Variants in ENPP5 observed in about 807,000 individuals in gnomAD.
ENPP5 encodes the protein E-NPP 5.
A neutral mutation model predicts 33.7 loss-of-function variants in ENPP5; 27 were observed. The observed-to-expected ratio is 0.80, with a 90% confidence interval of 0.59 to 1.11. The LOEUF is 1.11. Among genes scored for constraint, ENPP5 ranks in the 50% least tolerant of loss-of-function variants. ENPP5 has a pLI of 0.00. For missense variants in ENPP5, 552 were observed against 579.2 expected (o/e 0.95, Z 0.48); for synonymous variants, 199 against 200.5 (o/e 0.99, Z 0.06).
intron 4 of ENPP5, among the ~76,000 whole-genome samples, chr6:46,162,968 ATTATC>A (rs1458062350): frequency 6.6e-6 from 1 of 152,186 alleles, no homozygotes; most frequent in Non-Finnish European, 1.5e-5. Flanking sequence ...GGCAAAGATA[ATTATC>A]TTATATCACA....
chr6:46,163,340 A>G (rs1764443332), intron 4 of ENPP5, among the ~76,000 whole-genome samples: 1 of 147,472 alleles, frequency 6.8e-6, no homozygotes, highest in South Asian at 2.3e-4. Context: ...AGCATTAGGT[A>G]TATCTCCCAA....
chr6:46,161,587 T>G lies in ENPP5; in HGVS notation c.1173A>C (p.Ser391=), dbSNP rs1281649794. The part of the protein sequence containing the change: ...LNITAMPHNG[S]FWNVQDLLNS... ...TGAGCAGATCCTGGACATTCCAGAA[T>G]GATCCATTGTGTGGCATGGCGGTGA... is the stretch of plus-strand genomic sequence containing the variant. The change falls in exon 5 of 5, where the codon TCA becomes TCC. Residue 391 remains serine, a synonymous_variant. Coordinates refer to ENST00000371383, the MANE Select transcript of ENPP5 (RefSeq NM_001290072.2). The G allele has an allele frequency of 1.9e-6, 3 of 1,613,996 alleles. No individual in the cohort carries two copies. The highest frequency in any genetic ancestry group is 3.3e-5 in the Admixed American group (2 of 60,000).
chr6:46,168,080 C>T lies in ENPP5; in HGVS notation c.183G>A (p.Val61=). Residue 61 remains valine, a synonymous_variant, in exon 3 of 5, where the codon GTG becomes GTA. Transcript: ENST00000371383. ...FHYIMKYGVH[V]KQVTNVFITK... ...TAATAAAAACATTAGTAACTTGCTT[C>T]ACGTGAACACCATATTTCATAATAT... 6.2e-7 allele frequency: 1 copy of T among 1,613,958 alleles called. No homozygotes were observed. Among genetic ancestry groups the T allele is most frequent in the Non-Finnish European group, 8.5e-7 (1 of 1,179,910 alleles).
chr6:46,164,380 A>G (rs1335625086), intron 4 of ENPP5, among the ~76,000 whole-genome samples: 5 of 152,260 alleles, frequency 3.3e-5, no homozygotes, highest in African/African-American at 7.2e-5. Context: ...CTGGTGGGCC[A>G]GGGAACACAC....
At chr6:46,164,165 T>TA (rs1764468737) in intron 4 of ENPP5, among the ~76,000 whole-genome samples, 1 of 151,722 alleles carries the variant, frequency 6.6e-6, no homozygotes, top group Admixed American at 6.6e-5. Flanking sequence ...AGGCAACCTA[T>TA]AAAATGGGAG....
At chr6:46,170,602 C>CG (rs1764707490) in intron 1 of ENPP5, among the ~76,000 whole-genome samples, 1 of 151,934 alleles carries the variant, frequency 6.6e-6, no homozygotes, top group Non-Finnish European at 1.5e-5. Flanking sequence ...ACGTCAAGGG[C>CG]GGGGGTGTCC....
chr6:46,166,530 C>T (rs1764552877), intron 3 of ENPP5, among the ~76,000 whole-genome samples: 1 of 150,560 alleles, frequency 6.6e-6, no homozygotes, highest in Non-Finnish European at 1.5e-5. Flanking sequence ...AGTGACCCTG[C>T]TGCCTCAGCC....
chr6:46,165,915 C>T (rs1373368290), intron 3 of ENPP5, among the ~76,000 whole-genome samples: 1 of 147,840 alleles, frequency 6.8e-6, no homozygotes, highest in Non-Finnish European at 1.5e-5. Flanking sequence ...AATCTCCAGA[C>T]AAGAAAACAT....
At chr6:46,162,565 A>G (rs1764423382) in intron 4 of ENPP5, among the ~76,000 whole-genome samples, 1 of 152,192 alleles carries the variant, frequency 6.6e-6, no homozygotes, top group African/African-American at 2.4e-5. Flanking sequence ...TAAAGGTGGC[A>G]AGGAGAATGA....
At position 46,161,657 on chromosome 6, in the gene ENPP5, A is replaced by G. The variant is rs774504999; in HGVS notation, c.1103T>C (p.Met368Thr). The change falls in exon 5 of 5, where the codon ATG (methionine) becomes ACG (threonine). Residue 368 changes from methionine to threonine, a missense_variant. Transcript: ENST00000371383. ...TAGTGGGTACAAATCTGTGGAGTTC[A>G]TGGCTTCTTTTGAGAAATTCTTTCT... ...AFRKNFSKEA[M>T]NSTDLYPLLC... 22 of 1,613,710 alleles carry G rather than the reference A, an allele frequency of 1.4e-5. No individual in the cohort carries two copies. In the East Asian group the frequency reaches 4.2e-4, roughly 31 times the overall value.
Position 46,168,053 on chromosome 6 carries a change from T to C in ENPP5, c.210A>G (p.Thr70=), listed in dbSNP as rs1581973208. The C allele has an allele frequency of 6.2e-7, 1 of 1,614,116 alleles. No homozygotes were observed. Among genetic ancestry groups the C allele is most frequent in the South Asian group, 1.1e-5 (1 of 91,046 alleles). The part of the protein sequence containing the change: ...HVKQVTNVFI[T]KTYPNHYTLV... ...AAGTATAATGGTTAGGGTAGGTTTTTGTAATAAAAACATTAGTAACTTGCT... is the reference window on the plus strand; with the variant it reads ...AAGTATAATGGTTAGGGTAGGTTTTCGTAATAAAAACATTAGTAACTTGCT... The change falls in exon 3 of 5, where the codon ACA becomes ACG. Residue 70 remains threonine, a synonymous_variant. Transcript: ENST00000371383.
In ENPP5 at chr6:46,161,622, G is replaced by A. The variant is rs1385709077; in HGVS notation, c.1138C>T (p.Leu380Phe). ...TGTGGCATGGCGGTGATATTGAGGA[G>A]GTGGCATAGTAGTGGGTACAAATCT... ...STDLYPLLCHLLNITAMPHNG... is the reference protein window; with the variant it reads ...STDLYPLLCHFLNITAMPHNG... Residue 380 changes from leucine (L) to phenylalanine (F), a missense_variant, in exon 5 of 5, where the codon CTC becomes TTC. Leu to Phe is a conservative substitution (Grantham distance 22). Transcript: ENST00000371383. 2.5e-6 allele frequency: 4 copies of A among 1,613,958 alleles called. No homozygotes were observed. The highest frequency in any genetic ancestry group is 3.4e-6 in the Non-Finnish European group (4 of 1,179,838).
At chr6:46,165,901 G>C (rs1296250491) in intron 3 of ENPP5, among the ~76,000 whole-genome samples, 1 of 151,258 alleles carries the variant, frequency 6.6e-6, no homozygotes, top group Non-Finnish European at 1.5e-5. Flanking sequence ...GTGCAGACAC[G>C]AAGAATCTCC....
chr6:46,161,882 GACAA>G (rs1342910744), intron 4 of ENPP5, 129 bp from the exon 5 acceptor site: 3 of 710,606 alleles, frequency 4.2e-6, no homozygotes, highest in Non-Finnish European at 7.2e-6. Context: ...AACAATCTTT[GACAA>G]ACAATCTCTG....
rs1562065732 is a variant in ENPP5, at chr6:46,159,378, T to G, written c.*1948A>C. Reference sequence around the variant, plus strand: ...TAATTTAAATGGACAGATAGCATAATAGTAATGCTCTAAAATGGACCAATT... The same window carrying G: ...TAATTTAAATGGACAGATAGCATAAGAGTAATGCTCTAAAATGGACCAATT... On this transcript the variant is annotated 3_prime_UTR_variant, in exon 5 of 5. Transcript: ENST00000371383. 6.6e-6 allele frequency: 1 copy of G among 152,190 alleles called. No individual in the cohort carries two copies. Among genetic ancestry groups the G allele is most frequent in the South Asian group, 2.1e-4 (1 of 4,836 alleles). The allele number at this position is 152,190 out of a possible 1,614,324, so 9.4% of individuals were successfully genotyped here.
chr6:46,163,254 T>C (rs1764441086), intron 4 of ENPP5, among the ~76,000 whole-genome samples: 1 of 151,900 alleles, frequency 6.6e-6, no homozygotes, highest in African/African-American at 2.4e-5. Context: ...TTAGGGTACA[T>C]GTGCACATTA....
rs146898553 is a variant in ENPP5, at chr6:46,167,843, G to A, written c.420C>T (p.Pro140=). The A allele has an allele frequency of 1.0e-4, 167 of 1,614,056 alleles. No individual in the cohort carries two copies. Among genetic ancestry groups the A allele is most frequent in the Middle Eastern group, 3.3e-4 (2 of 6,062 alleles). The change falls in exon 3 of 5, where the codon CCC becomes CCT. Residue 140 remains proline, a synonymous_variant. Coordinates refer to ENST00000371383, the MANE Select transcript of ENPP5 (RefSeq NM_001290072.2). ...AGHTSGAAMW[P]GTDVKIHKRF... ...GCTTATGTATTTTTACATCTGTTCC[G>A]GGCCACATGGCTGCACCACTAGTAT...
In ENPP5 at chr6:46,161,162, CGTGTGTGTGTATGTGT is replaced by C. The variant is rs2127496085; in HGVS notation, c.*148_*163del. 1.7e-6 allele frequency: 1 copy of C among 587,360 alleles called. No individual in the cohort carries two copies. Among genetic ancestry groups the C allele is most frequent in the African/African-American group, 1.9e-5 (1 of 52,172 alleles). The allele number at this position is 587,360 out of a possible 1,614,324, so 36.4% of individuals were successfully genotyped here. A position where few individuals can be genotyped will look rare whatever the true frequency, so the allele number is the denominator to read the frequency against. ...CTTTGCAGGTGTAAGTATTTTGGTC[CGTGTGTGTGTATGTGT>C]GTGTGTGTGTGTGTGTATACCTAAA... On this transcript the variant is annotated 3_prime_UTR_variant, in exon 5 of 5. Coordinates refer to ENST00000371383, the MANE Select transcript of ENPP5 (RefSeq NM_001290072.2).
chr6:46,166,720 T>C (rs1257646635), intron 3 of ENPP5, among the ~76,000 whole-genome samples: 1 of 152,194 alleles, frequency 6.6e-6, no homozygotes, highest in Non-Finnish European at 1.5e-5. Context: ...TGAAATATTA[T>C]AGCTTTTCAA....
Sources: allele counts gnomAD v4.1 joint callset (sites outside exome capture counted in the v4.1 genomes callset), GRCh38; gene constraint gnomAD v4.1.1; transcripts MANE v1.5; gene names NCBI Gene and HGNC (gene_info 2026-07-23, HGNC 2026-07-21).